IQCB1: variants seen among roughly 807,000 people sequenced by gnomAD.
The protein encoded by IQCB1 is IQ motif containing B1.
Under a neutral mutation model 84.4 loss-of-function variants are expected in IQCB1, and 56 were observed. That is an observed-to-expected ratio of 0.66 (90% CI 0.54 to 0.83). The LOEUF (loss-of-function observed/expected upper bound fraction) is 0.83, where lower values mean the gene tolerates loss of function less well. Among genes scored for constraint, IQCB1 ranks in the 40% least tolerant of loss-of-function variants. The pLI is 0.00. For missense variants in IQCB1, 629 were observed against 682.1 expected (o/e 0.92, Z 0.87); for synonymous variants, 210 against 234.8 (o/e 0.89, Z 0.96).
chr3:121,773,270 C>A (rs750334960), intron 13 of IQCB1, among the ~76,000 whole-genome samples: 1 of 137,056 alleles, frequency 7.3e-6, no homozygotes, highest in African/African-American at 2.7e-5. Flanking sequence ...GCCGAGATTG[C>A]GCCATTGCTC....
At chr3:121,787,017 T>C (rs940442621) in intron 12 of IQCB1, among the ~76,000 whole-genome samples, 1 of 152,150 alleles carries the variant, frequency 6.6e-6, no homozygotes, top group Non-Finnish European at 1.5e-5. Flanking sequence ...ACCCCTTAGA[T>C]GGCTTTGTTT....
intron 9 of IQCB1, 76 bp from the exon 10 acceptor site, chr3:121,795,642 A>G: frequency 1.2e-6 from 1 of 831,334 alleles, no homozygotes; most frequent in Non-Finnish European, 2.1e-6. Context: ...CTCTTAAAGT[A>G]TCAGGTTAGG....
chr3:121,825,394 T>C (rs79488379), intron 5 of IQCB1, among the ~76,000 whole-genome samples: 15,639 of 152,072 alleles, frequency 0.1, 855 homozygotes, highest in South Asian at 0.15. Context: ...TTCACAAAGA[T>C]AAAACATATG....
chr3:121,792,639 G>A (rs1372813156), intron 10 of IQCB1, among the ~76,000 whole-genome samples: 1 of 143,458 alleles, frequency 7.0e-6, no homozygotes. Flanking sequence ...TCCCGCCTGG[G>A]CCACAGAGCA....
At chr3:121,792,202 A>G (rs1949007292) in intron 10 of IQCB1, among the ~76,000 whole-genome samples, 1 of 152,234 alleles carries the variant, frequency 6.6e-6, no homozygotes, top group African/African-American at 2.4e-5. Flanking sequence ...TATTAGTATG[A>G]AAAACATAGT....
At chr3:121,774,624 C>T (rs1430424681) in intron 13 of IQCB1, among the ~76,000 whole-genome samples, 4 of 152,058 alleles carry the variant, frequency 2.6e-5, no homozygotes, top group Admixed American at 2.6e-4. Context: ...AAAACATGAA[C>T]CTTGAAGACA....
rs1411064364 is a variant in IQCB1, at chr3:121,781,827, A to G, written c.1326T>C (p.Ala442=). ...TGAGTTCTTGGAGTCCTCGCCAAGG[A>G]GCAAATAGTTTCTTTTTCTTACGGC... ...AKCRKKKKLF[A]PWRGLQELTD... The change falls in exon 13 of 15, where the codon GCT becomes GCC. Residue 442 remains alanine (A), a synonymous_variant. Transcript: ENST00000310864. The G allele has an allele frequency of 6.2e-7, 1 of 1,613,838 alleles. No individual in the cohort carries two copies. The highest frequency in any genetic ancestry group is 1.3e-5 in the African/African-American group (1 of 74,914).
intron 11 of IQCB1, 92 bp from the exon 12 acceptor site, chr3:121,788,524 C>T: frequency 2.5e-6 from 3 of 1,198,720 alleles, no homozygotes; most frequent in Non-Finnish European, 3.7e-6. Context: ...ATCTTGCATT[C>T]TTTTTATTTT....
intron 5 of IQCB1, among the ~76,000 whole-genome samples, chr3:121,821,638 A>G (rs1950278411): frequency 6.6e-6 from 1 of 152,222 alleles, no homozygotes; most frequent in South Asian, 2.1e-4. Context: ...CTGTGTTCCA[A>G]TACAACTTAA....
chr3:121,811,231 C>T (rs1046578662), intron 5 of IQCB1, among the ~76,000 whole-genome samples: 3 of 152,134 alleles, frequency 2.0e-5, no homozygotes, highest in Non-Finnish European at 4.4e-5. Flanking sequence ...ACTGTGCTAT[C>T]TGGCCCAGAT....
chr3:121,819,386 G>A (rs753534137), intron 5 of IQCB1, among the ~76,000 whole-genome samples: 76 of 152,118 alleles, frequency 5.0e-4, no homozygotes, highest in Non-Finnish European at 9.4e-4. Context: ...GAGCTCAGGC[G>A]GTAATGTGAG....
At chr3:121,807,851 T>G (rs765947216) in intron 6 of IQCB1, among the ~76,000 whole-genome samples, 1 of 152,028 alleles carries the variant, frequency 6.6e-6, no homozygotes, top group Non-Finnish European at 1.5e-5. Context: ...TTAAAAAATT[T>G]AATTTTGTGA....
intron 13 of IQCB1, among the ~76,000 whole-genome samples, chr3:121,781,181 A>ATAGGAG (rs1233839310): frequency 2.0e-5 from 3 of 152,218 alleles, no homozygotes; most frequent in African/African-American, 7.2e-5. Flanking sequence ...TTGAAGACAC[A>ATAGGAG]TAGGAGTAGA....
intron 12 of IQCB1, 28 bp from the exon 13 acceptor site, chr3:121,781,902 G>A (rs1343973268): frequency 1.2e-6 from 2 of 1,608,742 alleles, no homozygotes; most frequent in Non-Finnish European, 1.7e-6. Flanking sequence ...GAAGGTTTGT[G>A]ATTTTTCTCC....
At chr3:121,812,965 G>A (rs919896286) in intron 5 of IQCB1, among the ~76,000 whole-genome samples, 1 of 152,102 alleles carries the variant, frequency 6.6e-6, no homozygotes, top group African/African-American at 2.4e-5. Context: ...ACACTTAATT[G>A]TCAGATTCTC....
At chr3:121,831,363 A>G (rs991978628) in intron 2 of IQCB1, among the ~76,000 whole-genome samples, 15 of 151,942 alleles carry the variant, frequency 9.9e-5, no homozygotes, top group African/African-American at 3.6e-4. Context: ...TAGTAGAGAC[A>G]GGGTTTCTCC....
At chr3:121,781,662 C>A (rs201126629) in intron 13 of IQCB1, 81 bp downstream of exon 13, 5,834 of 919,378 alleles carry the variant, frequency 6.3e-3, no homozygotes, top group South Asian at 9.5e-3. Flanking sequence ...CACACACACA[C>A]AATATATGTG....
At chr3:121,787,682 C>T (rs895527569) in intron 12 of IQCB1, among the ~76,000 whole-genome samples, 1 of 149,730 alleles carries the variant, frequency 6.7e-6, no homozygotes, top group African/African-American at 2.5e-5. Flanking sequence ...ACCTGGGAGG[C>T]GGAGGTTGTA....
intron 5 of IQCB1, among the ~76,000 whole-genome samples, chr3:121,819,407 T>C (rs1379638414): frequency 6.6e-6 from 1 of 152,054 alleles, no homozygotes; most frequent in African/African-American, 2.4e-5. Context: ...CAATGGGGAG[T>C]GGCTGTAAAT....
Sources: allele counts gnomAD v4.1 joint callset (sites outside exome capture counted in the v4.1 genomes callset), GRCh38; gene constraint gnomAD v4.1.1; transcripts MANE v1.5; gene names NCBI Gene and HGNC (gene_info 2026-07-23, HGNC 2026-07-21).